The following ZC3H4 variants were observed in gnomAD, a reference collection of about 807,000 sequenced individuals.
The protein encoded by ZC3H4 is zinc finger CCCH-type containing 4, also known as zinc finger CCCH domain-containing protein 4.
ZC3H4 carries 13 observed loss-of-function variants against 108.3 expected under a neutral mutation model. The observed-to-expected ratio is 0.12, with a 90% CI of 0.08 to 0.19. The LOEUF (loss-of-function observed/expected upper bound fraction) is 0.19, where lower values mean the gene tolerates loss of function less well. Among genes scored for constraint, ZC3H4 ranks in the 10% least tolerant of loss-of-function variants. ZC3H4 has a pLI of 1.00. For synonymous variants in ZC3H4, 917 were observed against 749.6 expected (o/e 1.22, Z -3.65); for missense variants, 1,734 against 1,838.8 (o/e 0.94, Z 1.04).
chr19:47,073,915 T>C (rs111522152), intron 11 of ZC3H4, among the ~76,000 whole-genome samples: 8 of 152,348 alleles, frequency 5.3e-5, no homozygotes, highest in African/African-American at 1.4e-4. Context: ...CCTGTCATGT[T>C]TGGATTTTAA....
At chr19:47,095,534 T>C (rs2057807044) in intron 2 of ZC3H4, among the ~76,000 whole-genome samples, 1 of 152,048 alleles carries the variant, frequency 6.6e-6, no homozygotes, top group Admixed American at 6.6e-5. Flanking sequence ...CATCCTACAC[T>C]CTTCCAATTC....
chr19:47,095,154 G>A (rs1002587476), intron 2 of ZC3H4, among the ~76,000 whole-genome samples: 3 of 152,180 alleles, frequency 2.0e-5, no homozygotes, highest in Admixed American at 6.5e-5. Context: ...TGAGCTGGGC[G>A]TCAGTGCCAC....
chr19:47,094,896 TAGA>T (rs1185300379), intron 2 of ZC3H4, among the ~76,000 whole-genome samples: 4 of 152,170 alleles, frequency 2.6e-5, no homozygotes, highest in African/African-American at 4.8e-5. Context: ...CTAGTGTTCT[TAGA>T]AGAAGAAACC....
intron 11 of ZC3H4, among the ~76,000 whole-genome samples, chr19:47,078,170 CATT>C (rs1418083753): frequency 6.6e-6 from 1 of 152,042 alleles, no homozygotes; most frequent in Non-Finnish European, 1.5e-5. Flanking sequence ...CTATTTTTTT[CATT>C]ATTTTTTATT....
intron 2 of ZC3H4, among the ~76,000 whole-genome samples, chr19:47,106,367 G>A (rs1208707351): frequency 2.6e-5 from 4 of 152,188 alleles, no homozygotes; most frequent in Admixed American, 2.6e-4. Context: ...GATCATTGAA[G>A]CCAAGAGTTC....
intron 13 of ZC3H4, among the ~76,000 whole-genome samples, chr19:47,070,953 C>A (rs2057314862): frequency 6.6e-6 from 1 of 152,018 alleles, no homozygotes; most frequent in Admixed American, 6.5e-5. Flanking sequence ...CAGGGACAGC[C>A]CCCAGCAGCT....
At chr19:47,089,895 G>A (rs2057700180) in intron 5 of ZC3H4, 72 bp downstream of exon 5, 1 of 1,536,330 alleles carries the variant, frequency 6.5e-7, no homozygotes, top group Admixed American at 1.8e-5. Context: ...GAGGTTCTGT[G>A]AGACCAGGCC....
At position 47,067,654 on chromosome 19, in the gene ZC3H4, G is replaced by A. The variant is rs746442576; in HGVS notation, c.2614C>T (p.Arg872Cys). Residue 872 changes from arginine (R) to cysteine (C), a missense_variant, in exon 15 of 15, where the codon CGC becomes TGC. By Grantham distance (180) the Arg-to-Cys change is radical. Transcript: ENST00000253048. This position sits in a 1 kb window ranked among gnomAD's most constrained non-coding sequence, Gnocchi z 6.4. ...GACCCGCCAGAAGCCTCCACATGGCGGGTGAGTCTGGGGTCCCGGCTGAGG... is the reference window on the plus strand; with the variant it reads ...GACCCGCCAGAAGCCTCCACATGGCAGGTGAGTCTGGGGTCCCGGCTGAGG... The part of the protein sequence containing the change: ...PRLSRDPRLT[R>C]HVEASGGSGP... 10 of 1,602,694 alleles carry A rather than the reference G, an allele frequency of 6.2e-6. No individual in the cohort carries two copies. The highest frequency in any genetic ancestry group is 2.2e-5 in the South Asian group (2 of 90,260).
At chr19:47,077,571 C>T (rs1482482491) in intron 11 of ZC3H4, among the ~76,000 whole-genome samples, 1 of 151,890 alleles carries the variant, frequency 6.6e-6, no homozygotes, top group East Asian at 1.9e-4. Flanking sequence ...TATGGATTCT[C>T]AGCTAGGCAT....
chr19:47,079,831 G>A (rs1027884669), intron 11 of ZC3H4, among the ~76,000 whole-genome samples: 3 of 152,206 alleles, frequency 2.0e-5, no homozygotes, highest in African/African-American at 7.2e-5. Context: ...AGGTTGCAGG[G>A]AGCCGAGATT....
intron 2 of ZC3H4, among the ~76,000 whole-genome samples, chr19:47,106,803 G>C (rs1006532830): frequency 6.6e-6 from 1 of 152,218 alleles, no homozygotes; most frequent in Non-Finnish European, 1.5e-5. Context: ...AAAAGCCGGG[G>C]AGGAACTCAG....
intron 2 of ZC3H4, chr19:47,111,039 A>AG (rs2058032241): frequency 6.0e-6 from 3 of 497,516 alleles, no homozygotes; most frequent in Non-Finnish European, 7.8e-6. Context: ...GCCCTGGCTG[A>AG]GACCCCCCGG....
chr19:47,105,992 A>T (rs1450387445), intron 2 of ZC3H4, among the ~76,000 whole-genome samples: 2 of 152,116 alleles, frequency 1.3e-5, no homozygotes, highest in Non-Finnish European at 2.9e-5. Flanking sequence ...TGCAGCACAC[A>T]CTTGTTTTGT....
chr19:47,106,674 GAC>G (rs1161562184), intron 2 of ZC3H4, among the ~76,000 whole-genome samples: 3 of 152,210 alleles, frequency 2.0e-5, no homozygotes, highest in African/African-American at 7.2e-5. Flanking sequence ...AGGTAGGCCA[GAC>G]ACAGAGGAAG....
At position 47,067,226 on chromosome 19, in the gene ZC3H4, G is replaced by A. The variant is rs988241094; in HGVS notation, c.3042C>T (p.Arg1014=). The change falls in exon 15 of 15, where the codon CGC becomes CGT. Residue 1014 remains arginine, a synonymous_variant. Transcript: ENST00000253048. The surrounding 1 kb of genome is among the most constrained non-coding windows in gnomAD (Gnocchi z 6.4). ...SMPTLDPRLH[R]AATAGPPNAR... ...CGTTGGGGGGCCCTGCCGTGGCAGC[G>A]CGGTGCAGCCGGGGGTCCAGGGTGG... 98 of 1,607,592 alleles carry A rather than the reference G, an allele frequency of 6.1e-5. No individual in the cohort carries two copies. The highest frequency in any genetic ancestry group is 7.5e-5 in the Non-Finnish European group (88 of 1,177,084).
At position 47,072,741 on chromosome 19, in the gene ZC3H4, T is replaced by A; in HGVS notation, c.1441-28A>T. 1 of 1,611,390 alleles carries A rather than the reference T, an allele frequency of 6.2e-7. No homozygotes were observed. The highest frequency in any genetic ancestry group is 8.5e-7 in the Non-Finnish European group (1 of 1,179,648). On this transcript the variant is annotated intron_variant, in intron 11 of 14. Coordinates refer to ENST00000253048, the MANE Select transcript of ZC3H4 (RefSeq NM_015168.2). The surrounding 1 kb of genome is among the most constrained non-coding windows in gnomAD (Gnocchi z 5.6). ...GCGGGTGTGAAAGAACAAAAGAAGG[T>A]GTGGACGGGGTCAGGATGGAAACGG...
In ZC3H4 at chr19:47,072,145, T is replaced by A; in HGVS notation, c.1803-24A>T. 1.3e-6 allele frequency: 2 copies of A among 1,497,776 alleles called. No homozygotes were observed. The highest frequency in any genetic ancestry group is 2.7e-5 in the South Asian group (2 of 73,914). The allele number at this position is 1,497,776 out of a possible 1,614,324, so 92.8% of individuals were successfully genotyped here. ...ACCTAGAAGAGGGAAAAGGTGCCTGTGACGGAAGCTGCCGAGGAGGGCAGT... is the reference window on the plus strand; with the variant it reads ...ACCTAGAAGAGGGAAAAGGTGCCTGAGACGGAAGCTGCCGAGGAGGGCAGT... On this transcript the variant is annotated intron_variant, in intron 12 of 14. Transcript: ENST00000253048. This position sits in a 1 kb window ranked among gnomAD's most constrained non-coding sequence, Gnocchi z 5.6.
At chr19:47,088,795 G>A (rs774309975) in intron 5 of ZC3H4, among the ~76,000 whole-genome samples, 1 of 152,104 alleles carries the variant, frequency 6.6e-6, no homozygotes, top group Non-Finnish European at 1.5e-5. Context: ...TTTAAATGTG[G>A]CTACCAGAAA....
At position 47,064,817 on chromosome 19, in the gene ZC3H4, CCTCCTGG is replaced by C. The variant is rs2057173295; in HGVS notation, c.*1532_*1538del. 6.6e-6 allele frequency: 1 copy of C among 152,094 alleles called. No individual in the cohort carries two copies. The highest frequency in any genetic ancestry group is 2.4e-5 in the African/African-American group (1 of 41,354). The allele number at this position is 152,094 out of a possible 1,614,324, so 9.4% of individuals were successfully genotyped here. On this transcript the variant is annotated 3_prime_UTR_variant, in exon 15 of 15. Coordinates refer to ENST00000253048, the MANE Select transcript of ZC3H4 (RefSeq NM_015168.2). ...CTGTGCAGCCCTGTAGGACACCCTGCCTCCTGGCTCCAAACTATGAGTTTTTCATTTT... is the reference window on the plus strand; with the variant it reads ...CTGTGCAGCCCTGTAGGACACCCTGCCTCCAAACTATGAGTTTTTCATTTT...
Sources: allele counts gnomAD v4.1 joint callset (sites outside exome capture counted in the v4.1 genomes callset), GRCh38; gene constraint gnomAD v4.1.1; non-coding constraint Gnocchi (gnomAD v3.1); transcripts MANE v1.5; gene names NCBI Gene and HGNC (gene_info 2026-07-23, HGNC 2026-07-21).